TRPM5: variants seen among roughly 807,000 people sequenced by gnomAD.
TRPM5 encodes the protein MLSN1 and TRP-related.
TRPM5 carries 121 observed loss-of-function variants against 124.9 expected under a neutral mutation model. That is an observed-to-expected ratio of 0.97 (90% CI 0.84 to 1.13). TRPM5 has a LOEUF of 1.13. Ranked by LOEUF, TRPM5 falls within the 50% of genes most tolerant of loss-of-function variation. The pLI, the probability that TRPM5 is intolerant of heterozygous loss-of-function variation, is 0.00. For missense variants in TRPM5, 1,643 were observed against 1,589.1 expected, an observed-to-expected ratio of 1.03 and a Z score of -0.58; for synonymous variants, 781 against 700.5, an observed-to-expected ratio of 1.11 and a Z score of -1.81.
intron 12 of TRPM5, 54 bp downstream of exon 17, chr11:2,414,007 T>TCGGGG: frequency 2.8e-6 from 3 of 1,072,594 alleles, no homozygotes; most frequent in African/African-American, 1.6e-5. Context: ...TGGGCCCAGC[T>TCGGGG]CGCCCGCCCA....
chr11:2,425,813 C>A (rs1198478473), upstream of TRPM5, among the ~76,000 whole-genome samples: 1 of 152,192 alleles, frequency 6.6e-6, no homozygotes, highest in African/African-American at 2.4e-5. Flanking sequence ...TGACCCTCAG[C>A]CTGGGGGACG....
At chr11:2,443,869 C>G in the TRPM5 span, among the ~76,000 whole-genome samples, 1 of 145,718 alleles carries the variant, frequency 6.9e-6, no homozygotes, top group Non-Finnish European at 1.5e-5. The surrounding 1 kb of genome is among the most constrained non-coding windows in gnomAD (Gnocchi z 5.0). Flanking sequence ...ATGCCAGTAG[C>G]GGGCGGGAGG....
the TRPM5 span, among the ~76,000 whole-genome samples, chr11:2,431,497 C>T: frequency 6.6e-6 from 1 of 152,136 alleles, no homozygotes; most frequent in Non-Finnish European, 1.5e-5. Flanking sequence ...CTGGTCCTGC[C>T]CTCCACCTCC....
chr11:2,405,977 A>C (rs1589864500), intron 22 of TRPM5, 42 bp downstream of exon 27: 13 of 1,569,270 alleles, frequency 8.3e-6, no homozygotes, highest in African/African-American at 1.4e-5. Flanking sequence ...CCACGCAGCC[A>C]CCCGCCTCCC....
At chr11:2,422,851 G>T (rs1366132444) in intron 1 of TRPM5, 69 bp downstream of exon 6, 2 of 1,388,392 alleles carry the variant, frequency 1.4e-6, no homozygotes, top group East Asian at 4.6e-5. Context: ...AGCTTCCAGG[G>T]AAGGAAATGG....
the TRPM5 span, among the ~76,000 whole-genome samples, chr11:2,429,264 T>C: frequency 6.6e-6 from 1 of 150,980 alleles, no homozygotes; most frequent in East Asian, 2.0e-4. The surrounding 1 kb of genome is among the most constrained non-coding windows in gnomAD (Gnocchi z 8.4). Flanking sequence ...CTGGTGTTCA[T>C]GGTGATGGTG....
intron 20 of TRPM5, 95 bp downstream of exon 25, chr11:2,407,024 C>T: frequency 1.4e-6 from 2 of 1,397,536 alleles, no homozygotes; most frequent in Non-Finnish European, 1.9e-6. Context: ...GAGGAGGGGT[C>T]CAGGTCTCTC....
chr11:2,410,584 C>G (rs1260710116), intron 18 of TRPM5: 1 of 417,240 alleles, frequency 2.4e-6, no homozygotes, highest in Non-Finnish European at 4.8e-6. Context: ...GGGGCCTGCA[C>G]AGGTCCCTGC....
At chr11:2,422,143 G>A in exon 2 of TRPM5, 1 of 1,600,936 alleles carries the variant, frequency 6.2e-7, no homozygotes, top group Non-Finnish European at 8.5e-7. Flanking sequence ...GGCCTCACCT[G>A]TGCTCTGAGC....
In TRPM5 at chr11:2,404,886, C is replaced by T. The variant is rs373803421; in HGVS notation, c.*51G>A. ...TCGGCAAAGGTCAGTGCACAACGTG[C>T]AGGGTGGCCAGCTGAGGAGAGGTGG... On this transcript the variant is annotated 3_prime_UTR_variant, in exon 24 of 24. Coordinates refer to ENST00000155858, the Ensembl canonical transcript of TRPM5. 5 of 1,503,558 alleles carry T rather than the reference C, an allele frequency of 3.3e-6. No individual in the cohort carries two copies. In the African/African-American group the frequency reaches 5.5e-5, roughly 17 times the overall value. The allele number at this position is 1,503,558 out of a possible 1,614,324, so 93.1% of individuals were successfully genotyped here. A position where few individuals can be genotyped will look rare whatever the true frequency, so the allele number is the denominator to read the frequency against.
chr11:2,412,152 G>A (rs868160587), exon 16 of TRPM5: 15 of 1,613,380 alleles, frequency 9.3e-6, no homozygotes, highest in East Asian at 6.7e-5. Flanking sequence ...TGACACCCAC[G>A]ATGAACAGGA....
At chr11:2,420,728 C>T (rs1192963591) in intron 3 of TRPM5, among the ~76,000 whole-genome samples, 1 of 152,240 alleles carries the variant, frequency 6.6e-6, no homozygotes, top group Admixed American at 6.5e-5. Flanking sequence ...GCTGCCCGGG[C>T]CTCCCTCGGT....
At chr11:2,430,999 T>C in the TRPM5 span, among the ~76,000 whole-genome samples, 118 of 152,192 alleles carry the variant, frequency 7.8e-4, no homozygotes, top group Middle Eastern at 3.4e-3. Context: ...GTGGTAATAG[T>C]GGTTATGGTA....
chr11:2,417,984 C>A (rs558122108), intron 6 of TRPM5, among the ~76,000 whole-genome samples, 155 bp from the exon 12 acceptor site: 1 of 152,336 alleles, frequency 6.6e-6, no homozygotes, highest in South Asian at 2.1e-4. Flanking sequence ...TGGGACCACC[C>A]GCAGACCAAG....
chr11:2,412,862 G>T (rs1265269807), exon 15 of TRPM5: 1 of 1,600,392 alleles, frequency 6.2e-7, no homozygotes, highest in Non-Finnish European at 8.5e-7. Context: ...GGACGTAGGT[G>T]AACAGGAAGA....
At chr11:2,422,072 G>A (rs1845780378) in intron 2 of TRPM5, 69 bp downstream of exon 7, 11 of 1,493,684 alleles carry the variant, frequency 7.4e-6, no homozygotes, top group Non-Finnish European at 9.0e-6. Flanking sequence ...GTGCCGGGTT[G>A]CGGGGACAGT....
exon 9 of TRPM5, chr11:2,415,307 C>T: frequency 6.3e-7 from 1 of 1,582,330 alleles, no homozygotes; most frequent in Non-Finnish European, 8.5e-7. Flanking sequence ...TCCGCTGCAG[C>T]AGGTCGAAGA....
upstream of TRPM5, among the ~76,000 whole-genome samples, chr11:2,424,745 C>T (rs1420114600): frequency 6.6e-6 from 1 of 152,164 alleles, no homozygotes; most frequent in East Asian, 1.9e-4. Context: ...CACTGGTGGC[C>T]TCCAGAACCA....
At chr11:2,432,447 C>T in the TRPM5 span, among the ~76,000 whole-genome samples, 28,912 of 152,116 alleles carry the variant, frequency 0.19, 3,524 homozygotes, top group African/African-American at 0.33. Flanking sequence ...ACCCCAATGG[C>T]TGACTGCAGA....
Sources: gnomAD v4.1 joint callset for allele counts (sites outside exome capture counted in the v4.1 genomes callset) on GRCh38, gnomAD v4.1.1 for gene constraint, Gnocchi (gnomAD v3.1) non-coding constraint, MANE v1.5 for transcripts, NCBI Gene and HGNC (gene_info 2026-07-23, HGNC 2026-07-21) for gene names.